Variants in PCDHGB4 observed in about 807,000 individuals in gnomAD.
PCDHGB4 encodes protocadherin gamma-B4.
PCDHGB4 carries 38 observed loss-of-function variants against 60.5 expected under a neutral mutation model. The ratio of observed to expected loss-of-function variants is 0.63; its 90% confidence interval spans 0.48 to 0.82. The LOEUF is 0.82. Among genes scored for constraint, PCDHGB4 ranks in the 40% least tolerant of loss-of-function variants. The pLI is 0.00. For missense variants in PCDHGB4, 1,109 were observed against 1,209.6 expected, an observed-to-expected ratio of 0.92 and a Z score of 1.23; for synonymous variants, 456 against 509.7, an observed-to-expected ratio of 0.89 and a Z score of 1.42.
intron 1 of PCDHGB4, chr5:141,428,444 T>C (rs2097139811): frequency 5.3e-6 from 2 of 379,264 alleles, no homozygotes; most frequent in Non-Finnish European, 1.0e-5. Context: ...AGACCAGGGG[T>C]TTTTCCCAAC....
At chr5:141,507,833 G>C (rs1184502436) in intron 3 of PCDHGB4, among the ~76,000 whole-genome samples, 2 of 152,172 alleles carry the variant, frequency 1.3e-5, no homozygotes, top group East Asian at 3.9e-4. Flanking sequence ...GGAGGTGGTG[G>C]GTCAGGCCCT....
At chr5:141,461,893 G>A (rs2099025951) in intron 1 of PCDHGB4, among the ~76,000 whole-genome samples, 1 of 151,772 alleles carries the variant, frequency 6.6e-6, no homozygotes, top group African/African-American at 2.4e-5. Context: ...GCACGATCTC[G>A]GCTCACTGCA....
chr5:141,394,435 C>T, intron 1 of PCDHGB4: 1 of 1,614,246 alleles, frequency 6.2e-7, no homozygotes, highest in Non-Finnish European at 8.5e-7. Flanking sequence ...GGGGACCCGC[C>T]CCTCAGCAGC....
chr5:141,478,322 C>A, intron 1 of PCDHGB4: 3 of 1,613,976 alleles, frequency 1.9e-6, no homozygotes, highest in Non-Finnish European at 2.5e-6. Context: ...CTCACTGTAC[C>A]GAACACCAGG....
intron 1 of PCDHGB4, chr5:141,403,657 A>G (rs753978186): frequency 2.5e-6 from 4 of 1,613,924 alleles, no homozygotes; most frequent in East Asian, 2.2e-5. Context: ...TGTTGGATAC[A>G]AATGATAATG....
intron 1 of PCDHGB4, chr5:141,410,578 T>G: frequency 1.9e-6 from 3 of 1,610,984 alleles, no homozygotes; most frequent in Non-Finnish European, 2.5e-6. Context: ...TTCCACCTCA[T>G]GGTGGGGAGG....
Position 141,428,071 on chromosome 5 carries a change from C to T in PCDHGB4, c.2397+37790C>T, listed in dbSNP as rs968712502. ...AAGGTGGTGGCGGTGGACGCAGATTCGGGACACAACGCTTGGCTGTCCTAC... is the reference window on the plus strand; with the variant it reads ...AAGGTGGTGGCGGTGGACGCAGATTTGGGACACAACGCTTGGCTGTCCTAC... On this transcript the variant is annotated intron_variant, in intron 1 of 3. Transcript: ENST00000519479. The T allele has an allele frequency of 5.6e-6, 9 of 1,609,140 alleles. No homozygotes were observed. In the Middle Eastern group the frequency reaches 1.0e-3, roughly 184 times the overall value.
Position 141,389,969 on chromosome 5 carries a change from C to T in PCDHGB4, c.2085C>T (p.Ala695=), listed in dbSNP as rs762168749. 10 of 1,614,042 alleles carry T rather than the reference C, an allele frequency of 6.2e-6. No individual in the cohort carries two copies. In the South Asian group the frequency reaches 1.1e-4, roughly 18 times the overall value. The change falls in exon 1 of 4, where the codon GCC becomes GCT. Residue 695 remains alanine, a synonymous_variant. Coordinates refer to ENST00000519479, the MANE Select transcript of PCDHGB4 (RefSeq NM_003736.4). ...AGTTTTACCTAGTGGTGGCCTTGGC[C>T]TTGATCTCAGTGCTCTTCCTCGTGG... The part of the protein sequence containing the change: ...ELQFYLVVAL[A]LISVLFLVAM...
At chr5:141,458,064 C>G (rs886724551) in intron 1 of PCDHGB4, among the ~76,000 whole-genome samples, 1 of 152,104 alleles carries the variant, frequency 6.6e-6, no homozygotes, top group Admixed American at 6.6e-5. Flanking sequence ...TGCACTGATG[C>G]GAACAACTAT....
At chr5:141,410,668 T>C in intron 1 of PCDHGB4, 2 of 1,565,640 alleles carry the variant, frequency 1.3e-6, no homozygotes, top group African/African-American at 2.7e-5. Context: ...TCTACTAGTT[T>C]CTCATATTTT....
intron 1 of PCDHGB4, chr5:141,413,712 T>A (rs1405825615): frequency 9.9e-6 from 16 of 1,613,454 alleles, no homozygotes; most frequent in Middle Eastern, 3.3e-4. Context: ...TCAGCCCCAA[T>A]AAGCACTTCT....
chr5:141,461,228 A>C (rs1472527415), intron 1 of PCDHGB4, among the ~76,000 whole-genome samples: 1 of 151,976 alleles, frequency 6.6e-6, no homozygotes, highest in Non-Finnish European at 1.5e-5. Flanking sequence ...TTTTCCATAG[A>C]GGTTGTACTA....
intron 1 of PCDHGB4, chr5:141,492,069 C>A (rs1595083522): frequency 2.1e-6 from 1 of 475,880 alleles, no homozygotes; most frequent in East Asian, 3.3e-5. Context: ...GCCTCCTAGG[C>A]GCCGGCTCCG....
At chr5:141,418,435 A>G (rs1237542659) in intron 1 of PCDHGB4, 1 of 1,614,038 alleles carries the variant, frequency 6.2e-7, no homozygotes, top group South Asian at 1.1e-5. Context: ...GCAAATATCC[A>G]GAATTAGTAT....
chr5:141,477,265 G>A lies in PCDHGB4; in HGVS notation c.2398-17542G>A. The A allele has an allele frequency of 6.2e-7, 1 of 1,614,198 alleles. No individual in the cohort carries two copies. Among genetic ancestry groups the A allele is most frequent in the African/African-American group, 1.3e-5 (1 of 75,048 alleles). On this transcript the variant is annotated intron_variant, in intron 1 of 3. Transcript: ENST00000519479. The surrounding 1 kb of genome is among the most constrained non-coding windows in gnomAD (Gnocchi z 4.9). ...GTGTGACTGACCTGGATGCTGGCGA[G>A]AACGGGCTGGTGACCTGCGAAGTTC...
intron 1 of PCDHGB4, among the ~76,000 whole-genome samples, chr5:141,434,700 G>A (rs1041657389): frequency 6.6e-6 from 1 of 151,780 alleles, no homozygotes; most frequent in Non-Finnish European, 1.5e-5. Context: ...TAATAAATAT[G>A]TGGGTAAATC....
intron 1 of PCDHGB4, chr5:141,422,210 T>C: frequency 6.4e-7 from 1 of 1,562,390 alleles, no homozygotes; most frequent in South Asian, 1.2e-5. Flanking sequence ...GGTGGAGGTC[T>C]CTTTACCACC....
Position 141,486,032 on chromosome 5 carries a change from G to C in PCDHGB4, c.2398-8775G>C, listed in dbSNP as rs560909128. The C allele has an allele frequency of 1.2e-6, 2 of 1,614,166 alleles. No individual in the cohort carries two copies. Among genetic ancestry groups the C allele is most frequent in the African/African-American group, 2.7e-5 (2 of 75,034 alleles). On this transcript the variant is annotated intron_variant, in intron 1 of 3. Transcript: ENST00000519479. This position sits in a 1 kb window ranked among gnomAD's most constrained non-coding sequence, Gnocchi z 5.0. ...CTTTTATTTCAGTGGTCATACCCCT[G>C]ATCGTGTAAGAAACCTCTTTAGCCT... is the stretch of plus-strand genomic sequence containing the variant.
At chr5:141,502,862 C>CTTTT (rs2154593209) in intron 2 of PCDHGB4, among the ~76,000 whole-genome samples, 1 of 68,550 alleles carries the variant, frequency 1.5e-5, no homozygotes, top group African/African-American at 9.9e-5. Flanking sequence ...CCCTGACTCT[C>CTTTT]TGTCTTTTTT....
Sources: gnomAD v4.1 joint callset for allele counts (sites outside exome capture counted in the v4.1 genomes callset) on GRCh38, gnomAD v4.1.1 for gene constraint, Gnocchi (gnomAD v3.1) non-coding constraint, MANE v1.5 for transcripts, NCBI Gene and HGNC (gene_info 2026-07-23, HGNC 2026-07-21) for gene names.